Variants in PRSS50 observed in about 807,000 individuals in gnomAD.
The protein encoded by PRSS50 is probable threonine protease PRSS50.
In PRSS50, 23 loss-of-function variants were observed where a neutral mutation model predicts 34.2. That is an observed-to-expected ratio of 0.67 (90% confidence interval 0.48 to 0.95). The LOEUF (loss-of-function observed/expected upper bound fraction) is 0.95. PRSS50 is among the 40% of genes least tolerant of loss of function. PRSS50 has a pLI of 0.00. For synonymous variants in PRSS50, 224 were observed against 211.2 expected (o/e 1.06, Z -0.53); for missense variants, 484 against 513.4 (o/e 0.94, Z 0.55).
chr3:46,714,592 A>G (rs904952596), intron 3 of PRSS50, 91 bp from the exon 4 acceptor site: 1 of 1,417,668 alleles, frequency 7.1e-7, no homozygotes, highest in East Asian at 2.5e-5. Flanking sequence ...CTGCCCTCCC[A>G]GAAGATCCAG....
chr3:46,715,723 G>A lies in PRSS50; in HGVS notation c.308-26C>T, dbSNP rs1196620099. 6.4e-7 allele frequency: 1 copy of A among 1,558,718 alleles called. No individual in the cohort carries two copies. Among genetic ancestry groups the A allele is most frequent in the East Asian group, 2.4e-5 (1 of 41,968 alleles). ...CTGAGGAGGAAGGTGAGAGCTTGAT[G>A]AGGGATGGATCTTTCCCTGTCCCTC... On this transcript the variant is annotated intron_variant, in intron 2 of 5. Transcript: ENST00000315170. The surrounding 1 kb of genome is among the most constrained non-coding windows in gnomAD (Gnocchi z 5.2).
Position 46,712,923 on chromosome 3 carries a change from G to T in PRSS50, c.899C>A (p.Thr300Asn). 1 of 1,614,108 alleles carries T rather than the reference G, an allele frequency of 6.2e-7. No homozygotes were observed. Among genetic ancestry groups the T allele is most frequent in the Non-Finnish European group, 8.5e-7 (1 of 1,180,002 alleles). Residue 300 changes from threonine (T) to asparagine (N), a missense_variant, in exon 5 of 6, where the codon ACC (threonine) becomes AAC (asparagine). By Grantham distance (65) the Thr-to-Asn change is moderately conservative. Transcript: ENST00000315170. The part of the protein sequence containing the change: ...IKSQMMCAED[T>N]HREKFCYELT... ...CACATAGCAGAACTTCTCCCTGTGG[G>T]TGTCCTCCGCACACATCATCTGGGA...
chr3:46,715,621 G>T lies in PRSS50; in HGVS notation c.384C>A (p.Val128=), dbSNP rs1700671617. The part of the protein sequence containing the change: ...EAVARRWPWM[V]SVRANGTHIC... ...TGTGTGTGCCATTGGCCCGCACGCT[G>T]ACCATCCAGGGCCACCGCCGAGCCA... Residue 128 remains valine, a synonymous_variant, in exon 3 of 6, where the codon GTC becomes GTA. Transcript: ENST00000315170. The surrounding 1 kb of genome is among the most constrained non-coding windows in gnomAD (Gnocchi z 5.2). 1 of 1,612,632 alleles carries T rather than the reference G, an allele frequency of 6.2e-7. No homozygotes were observed. The highest frequency in any genetic ancestry group is 1.3e-5 in the African/African-American group (1 of 74,932).
At chr3:46,712,818 A>G in intron 5 of PRSS50, 83 bp downstream of exon 5, 3 of 1,473,870 alleles carry the variant, frequency 2.0e-6, no homozygotes, top group Non-Finnish European at 2.8e-6. Flanking sequence ...CCCCTACCCA[A>G]CCTCCACCGT....
At position 46,714,304 on chromosome 3, in the gene PRSS50, C is replaced by T. The variant is rs763627456; in HGVS notation, c.668G>A (p.Arg223Gln). The T allele has an allele frequency of 7.4e-6, 12 of 1,613,996 alleles. No homozygotes were observed. Among genetic ancestry groups the T allele is most frequent in the East Asian group, 4.5e-5 (2 of 44,894 alleles). Residue 223 changes from arginine to glutamine, a missense_variant, in exon 4 of 6, where the codon CGG becomes CAG. Coordinates refer to ENST00000315170, the MANE Select transcript of PRSS50 (RefSeq NM_013270.5). Reference sequence around the variant, plus strand: ...GTCCGTGCCAGGCAGGCAGATGGGCCGCACGTAATTGCTGTACTTGAGTTC... The same window carrying T: ...GTCCGTGCCAGGCAGGCAGATGGGCTGCACGTAATTGCTGTACTTGAGTTC... ...KQELKYSNYV[R>Q]PICLPGTDYV...
Position 46,715,694 on chromosome 3 carries a change from C to T in PRSS50, c.311G>A (p.Cys104Tyr), listed in dbSNP as rs922364462. 20 of 1,596,746 alleles carry T rather than the reference C, an allele frequency of 1.3e-5. No individual in the cohort carries two copies. The African/African-American group carries it at 1.5e-4, about 12-fold the overall frequency. The change falls in exon 3 of 6, where the codon TGT becomes TAT. Residue 104 changes from cysteine to tyrosine, a missense_variant. Coordinates refer to ENST00000315170, the MANE Select transcript of PRSS50 (RefSeq NM_013270.5). This position sits in a 1 kb window ranked among gnomAD's most constrained non-coding sequence, Gnocchi z 5.2. Reference sequence around the variant, plus strand: ...GGGGTCCTGCTCGTAGGAAAAGCCACAGGCTGAGGAGGAAGGTGAGAGCTT... The same window carrying T: ...GGGGTCCTGCTCGTAGGAAAAGCCATAGGCTGAGGAGGAAGGTGAGAGCTT... ...SEGKVDPYRS[C>Y]GFSYEQDPTL... is the part of the protein sequence containing the mutation.
chr3:46,715,407 A>C lies in PRSS50; in HGVS notation c.470+128T>G. On this transcript the variant is annotated intron_variant, in intron 3 of 5. Coordinates refer to ENST00000315170, the MANE Select transcript of PRSS50 (RefSeq NM_013270.5). This position sits in a 1 kb window ranked among gnomAD's most constrained non-coding sequence, Gnocchi z 5.2. ...AAGGAATTTTCAGGACTCAGCCTCC[A>C]CCTGCTTGGAGCCCAGATGAGGCTG... is the stretch of plus-strand genomic sequence containing the variant. 1 of 1,262,968 alleles carries C rather than the reference A, an allele frequency of 7.9e-7. No homozygotes were observed. The highest frequency in any genetic ancestry group is 2.5e-5 in the East Asian group (1 of 39,506). 78.2% of individuals were successfully genotyped at this position (1,262,968 alleles called of 1,614,324 possible). A position where few individuals can be genotyped will look rare whatever the true frequency, so the allele number is the denominator to read the frequency against.
In PRSS50 at chr3:46,714,619, G is replaced by A. The variant is rs578223742; in HGVS notation, c.471-118C>T. Reference sequence around the variant, plus strand: ...AAGATCCAGGAGGGGCCACCCACCCGCTTCAAGCCCCCTGAGCCTACTCCT... The same window carrying A: ...AAGATCCAGGAGGGGCCACCCACCCACTTCAAGCCCCCTGAGCCTACTCCT... On this transcript the variant is annotated intron_variant, in intron 3 of 5. Coordinates refer to ENST00000315170, the MANE Select transcript of PRSS50 (RefSeq NM_013270.5). 45 of 1,170,728 alleles carry A rather than the reference G, an allele frequency of 3.8e-5. No individual in the cohort carries two copies. In the South Asian group the frequency reaches 5.6e-4, roughly 15 times the overall value. 72.5% of individuals were successfully genotyped at this position (1,170,728 alleles called of 1,614,324 possible). A position where few individuals can be genotyped will look rare whatever the true frequency, so the allele number is the denominator to read the frequency against.
intron 5 of PRSS50, 69 bp downstream of exon 5, chr3:46,712,832 G>T: frequency 8.4e-7 from 1 of 1,195,594 alleles, no homozygotes; most frequent in South Asian, 1.5e-5. Flanking sequence ...CCACCGTTCC[G>T]CTCTCCCTCC....
chr3:46,713,164 T>C, intron 4 of PRSS50, 97 bp from the exon 5 acceptor site: 1 of 1,445,162 alleles, frequency 6.9e-7, no homozygotes, highest in South Asian at 1.3e-5. Flanking sequence ...CGTCCCACCT[T>C]TTCTGCTTTA....
At chr3:46,713,229 G>C (rs1325599627) in intron 4 of PRSS50, among the ~76,000 whole-genome samples, 162 bp from the exon 5 acceptor site, 1 of 152,120 alleles carries the variant, frequency 6.6e-6, no homozygotes, top group Non-Finnish European at 1.5e-5. Context: ...CCTCAACACA[G>C]AGCCCCCGGA....
Position 46,715,805 on chromosome 3 carries a change from GT to G in PRSS50, c.308-109del. 9 of 1,252,882 alleles carry G rather than the reference GT, an allele frequency of 7.2e-6. No individual in the cohort carries two copies. In the South Asian group the frequency reaches 1.3e-4, roughly 19 times the overall value. 77.6% of individuals were successfully genotyped at this position (1,252,882 alleles called of 1,614,324 possible). On this transcript the variant is annotated intron_variant, in intron 2 of 5. Coordinates refer to ENST00000315170, the MANE Select transcript of PRSS50 (RefSeq NM_013270.5). The surrounding 1 kb of genome is among the most constrained non-coding windows in gnomAD (Gnocchi z 5.2). ...GCCACTGGCCTGCACCCATCCAGGG[GT>G]GCTCCCTTTTCACCTGTCACCATGG...
intron 4 of PRSS50, 71 bp downstream of exon 4, chr3:46,714,147 G>A: frequency 1.9e-6 from 3 of 1,544,108 alleles, no homozygotes; most frequent in South Asian, 1.2e-5. Context: ...ATCCATCTGT[G>A]GTGGCACCCT....
rs754831833 is a variant in PRSS50 at position 46,715,921 on chromosome 3, G to A, written c.308-224C>T. 3.3e-5 allele frequency among the ~76,000 whole-genome samples: 5 copies of A among 152,080 alleles called. No homozygotes were observed. Among genetic ancestry groups the A allele is most frequent in the South Asian group, 2.1e-4 (1 of 4,820 alleles). Reference sequence around the variant, plus strand: ...ATCTCTCTCCCTGTTCCCACAGCCCGGGCCCTAGAGCATCCCCAGCCGACC... The same window carrying A: ...ATCTCTCTCCCTGTTCCCACAGCCCAGGCCCTAGAGCATCCCCAGCCGACC... On this transcript the variant is annotated intron_variant, in intron 2 of 5. Coordinates refer to ENST00000315170, the MANE Select transcript of PRSS50 (RefSeq NM_013270.5). The surrounding 1 kb of genome is among the most constrained non-coding windows in gnomAD (Gnocchi z 5.2).
chr3:46,715,018 C>T lies in PRSS50; in HGVS notation c.470+517G>A, dbSNP rs57612070. Among the ~76,000 whole-genome samples, 5,172 of 152,286 alleles carry T rather than the reference C, an allele frequency of 0.034. 275 individuals are homozygous for T. Among genetic ancestry groups the T allele is most frequent in the African/African-American group, 0.11 (4,663 of 41,542 alleles). On this transcript the variant is annotated intron_variant, in intron 3 of 5. Transcript: ENST00000315170. The surrounding 1 kb of genome is among the most constrained non-coding windows in gnomAD (Gnocchi z 5.2). ...GCTCTCACAGCCAGCACTCCTGGCC[C>T]CAAAACATCAGAACACTCCCTCTTT...
chr3:46,714,167 C>T (rs1190235087), intron 4 of PRSS50, 51 bp downstream of exon 4: 6 of 1,582,890 alleles, frequency 3.8e-6, no homozygotes, highest in Non-Finnish European at 5.2e-6. Flanking sequence ...TGGCCTGCAC[C>T]CACGTCCTTT....
Position 46,712,427 on chromosome 3 carries a change from C to G in PRSS50, c.977G>C (p.Gly326Ala). 6.2e-7 allele frequency: 1 copy of G among 1,614,126 alleles called. No individual in the cohort carries two copies. The highest frequency in any genetic ancestry group is 8.5e-7 in the Non-Finnish European group (1 of 1,180,000). The change falls in exon 6 of 6, where the codon GGA becomes GCA. Residue 326 changes from glycine to alanine, a missense_variant. Coordinates refer to ENST00000315170, the MANE Select transcript of PRSS50 (RefSeq NM_013270.5). ...CSMEGTWYLV[G>A]LVSWGAGCQK... ...GCAGCCTGCACCCCAGCTCACCAAT[C>G]CCACCAGGTACCACGTGCCCTCCAT...
rs1396549176 is a variant in PRSS50 at position 46,716,035 on chromosome 3, G to A, written c.308-338C>T. Among the ~76,000 whole-genome samples, 1 of 152,114 alleles carries A rather than the reference G, an allele frequency of 6.6e-6. No individual in the cohort carries two copies. Among genetic ancestry groups the A allele is most frequent in the Admixed American group, 6.5e-5 (1 of 15,274 alleles). ...CACTAACTTGTTCTCATTTCCACCT[G>A]GTTCCACCCTCACCATGTCCCCTAC... On this transcript the variant is annotated intron_variant, in intron 2 of 5. Transcript: ENST00000315170. This position sits in a 1 kb window ranked among gnomAD's most constrained non-coding sequence, Gnocchi z 4.4.
Position 46,717,712 on chromosome 3 carries a change from G to T in PRSS50, c.106+7C>A, listed in dbSNP as rs773336030. On this transcript the variant is annotated splice_region_variant and intron_variant, in intron 1 of 5. Transcript: ENST00000315170. The surrounding 1 kb of genome is among the most constrained non-coding windows in gnomAD (Gnocchi z 4.5). ...GGCGGGTGGGGTAGGGATCGGGAGG[G>T]ACTCACCTGCAGACCTCAGCAACAG... is the stretch of plus-strand genomic sequence containing the variant. The T allele has an allele frequency of 6.9e-6, 11 of 1,598,178 alleles. No individual in the cohort carries two copies.
Sources: allele counts gnomAD v4.1 joint callset (sites outside exome capture counted in the v4.1 genomes callset), GRCh38; gene constraint gnomAD v4.1.1; non-coding constraint Gnocchi (gnomAD v3.1); transcripts MANE v1.5; gene names NCBI Gene and HGNC (gene_info 2026-07-23, HGNC 2026-07-21).